The following ANKUB1 variants were observed in gnomAD, a reference collection of about 807,000 sequenced individuals.
ANKUB1 encodes the protein protein ANKUB1.
A neutral mutation model predicts 49.3 loss-of-function variants in ANKUB1; 42 were observed. That is an observed-to-expected ratio of 0.85 (90% CI 0.67 to 1.10). The LOEUF is 1.10. Among genes scored for constraint, ANKUB1 ranks in the 50% least tolerant of loss-of-function variants. The probability of loss-of-function intolerance (pLI) is 0.00; values close to 1 mark genes in which losing one functional copy is unlikely to be tolerated. For missense variants in ANKUB1, 613 were observed against 642.0 expected (o/e 0.95, Z 0.49); for synonymous variants, 222 against 231.0 (o/e 0.96, Z 0.35).
Position 149,773,929 on chromosome 3 carries a change from G to A in ANKUB1, c.452-3255C>T, listed in dbSNP as rs536787808. Among the ~76,000 whole-genome samples the A allele has an allele frequency of 3.6e-4, 55 of 152,260 alleles. 2 individuals are homozygous for A. In the South Asian group the frequency reaches 0.011, roughly 30 times the overall value. On this transcript the variant is annotated intron_variant, in intron 3 of 5. Transcript: ENST00000446160. The stretch of plus-strand genomic sequence containing the variant: ...CTCACACCTGTATTCCCAGCACTTT[G>A]GGTGGGAGGATTGCTTGAGGCCAGG...
chr3:149,778,064 G>C (rs1355190461), intron 3 of ANKUB1, among the ~76,000 whole-genome samples: 1 of 152,216 alleles, frequency 6.6e-6, no homozygotes, highest in Non-Finnish European at 1.5e-5. Flanking sequence ...AAGAGAAGCT[G>C]ATCAAGGACT....
intron 1 of ANKUB1, 76 bp downstream of exon 1, chr3:149,792,201 C>A (rs1387072117): frequency 3.8e-5 from 40 of 1,042,750 alleles, no homozygotes; most frequent in Non-Finnish European, 4.9e-5. Context: ...AGCATCTCTA[C>A]CCTTTGTACA....
At chr3:149,775,795 G>C (rs1205390349) in intron 3 of ANKUB1, among the ~76,000 whole-genome samples, 1 of 152,104 alleles carries the variant, frequency 6.6e-6, no homozygotes, top group Non-Finnish European at 1.5e-5. Flanking sequence ...TAAGCATGTG[G>C]ATCAGAAAGA....
intron 2 of ANKUB1, among the ~76,000 whole-genome samples, chr3:149,787,299 A>T (rs1718149916): frequency 6.6e-6 from 1 of 152,104 alleles, no homozygotes; most frequent in African/African-American, 2.4e-5. Context: ...ATCCCTTGTA[A>T]GTTGGATTCC....
At chr3:149,787,734 A>G (rs1159529498) in intron 2 of ANKUB1, among the ~76,000 whole-genome samples, 1 of 152,232 alleles carries the variant, frequency 6.6e-6, no homozygotes, top group African/African-American at 2.4e-5. Flanking sequence ...GGAAGCTGGA[A>G]AAAGCATTGT....
chr3:149,771,125 A>G (rs890572726), intron 3 of ANKUB1, among the ~76,000 whole-genome samples: 1 of 152,204 alleles, frequency 6.6e-6, no homozygotes, highest in Non-Finnish European at 1.5e-5. Context: ...TCTATCCTTT[A>G]TGAAACAGGA....
intron 2 of ANKUB1, among the ~76,000 whole-genome samples, chr3:149,780,682 G>A (rs891526063): frequency 6.6e-6 from 1 of 152,332 alleles, no homozygotes; most frequent in African/African-American, 2.4e-5. Context: ...AAGGCTTTGA[G>A]ACCCTTTGAC....
In ANKUB1 at chr3:149,767,909, G is replaced by A. The variant is rs2108264672; in HGVS notation, c.753C>T (p.Gly251=). The A allele has an allele frequency of 6.4e-7, 1 of 1,550,920 alleles. No homozygotes were observed. Among genetic ancestry groups the A allele is most frequent in the East Asian group, 2.4e-5 (1 of 40,886 alleles). The change falls in exon 5 of 6, where the codon GGC becomes GGT. Residue 251 remains glycine (G), a synonymous_variant. Transcript: ENST00000446160. ...CAAAGGCCTTCAGAATCAACAGTTGGCCTGCTTCTGCGGCTGCATGAATGG... is the reference window on the plus strand; with the variant it reads ...CAAAGGCCTTCAGAATCAACAGTTGACCTGCTTCTGCGGCTGCATGAATGG... The part of the protein sequence containing the change: ...KCPIHAAAEA[G]QLLILKAFVN...
intron 2 of ANKUB1, 57 bp downstream of exon 2, chr3:149,790,724 C>T (rs1326158134): frequency 2.0e-6 from 3 of 1,476,350 alleles, no homozygotes; most frequent in Non-Finnish European, 2.7e-6. Context: ...GACTTATCCC[C>T]AACTTTATTC....
At chr3:149,788,449 C>T (rs568876568) in intron 2 of ANKUB1, among the ~76,000 whole-genome samples, 61 of 152,114 alleles carry the variant, frequency 4.0e-4, no homozygotes, top group African/African-American at 1.2e-3. Flanking sequence ...TTGATCCTCC[C>T]GCCTCAGCCT....
At chr3:149,788,754 G>C (rs1718225071) in intron 2 of ANKUB1, among the ~76,000 whole-genome samples, 1 of 151,832 alleles carries the variant, frequency 6.6e-6, no homozygotes, top group Non-Finnish European at 1.5e-5. Context: ...CCAGAGAAGG[G>C]AGAGTTTTTT....
intron 1 of ANKUB1, among the ~76,000 whole-genome samples, 183 bp from the exon 2 acceptor site, chr3:149,791,107 G>C (rs1003211384): frequency 6.6e-6 from 1 of 152,158 alleles, no homozygotes; most frequent in African/African-American, 2.4e-5. Flanking sequence ...GTAGAATTTA[G>C]ATGGGAAGAA....
rs371783801 is a variant in ANKUB1, at chr3:149,770,590, C to T, written c.536G>A (p.Arg179His). ...TACTGGTCCTTCTTTTGATAAGTAG[C>T]GTTGGACTTTAAGTTTTTGTCCAAG... ...CLLGQKLKVQ[R>H]YLSKEGPVLK... The change falls in exon 4 of 6, where the codon CGC (arginine) becomes CAC (histidine). Residue 179 changes from arginine (R) to histidine (H), a missense_variant. Coordinates refer to ENST00000446160, the MANE Select transcript of ANKUB1 (RefSeq NM_001144960.3). The T allele has an allele frequency of 6.0e-5, 93 of 1,549,540 alleles. No individual in the cohort carries two copies. Among genetic ancestry groups the T allele is most frequent in the Non-Finnish European group, 7.5e-5 (86 of 1,146,050 alleles).
At chr3:149,777,330 G>C (rs767761032) in intron 3 of ANKUB1, among the ~76,000 whole-genome samples, 1 of 152,116 alleles carries the variant, frequency 6.6e-6, no homozygotes, top group Non-Finnish European at 1.5e-5. Flanking sequence ...ACATTAGCTG[G>C]GAGTGGTGGC....
Position 149,761,332 on chromosome 3 carries a change from A to C in ANKUB1, c.*152T>G, listed in dbSNP as rs1716774312. The C allele has an allele frequency of 2.2e-5, 19 of 881,110 alleles. No homozygotes were observed. The Admixed American group carries it at 2.7e-4, about 13-fold the overall frequency. The allele number at this position is 881,110 out of a possible 1,614,324, so 54.6% of individuals were successfully genotyped here. A position where few individuals can be genotyped will look rare whatever the true frequency, so the allele number is the denominator to read the frequency against. On this transcript the variant is annotated 3_prime_UTR_variant, in exon 6 of 6. Transcript: ENST00000446160. ...TCACTTAGTGTGATGAAGTCTGAGA[A>C]AACATGGTGTTAAATATCCTATTAA...
intron 2 of ANKUB1, among the ~76,000 whole-genome samples, chr3:149,781,349 G>A (rs1264492212): frequency 6.6e-6 from 1 of 152,128 alleles, no homozygotes; most frequent in African/African-American, 2.4e-5. Context: ...GGAAGCAAGT[G>A]GGGAGGAAAA....
chr3:149,770,525 A>G, intron 4 of ANKUB1, 35 bp downstream of exon 4: 1 of 1,439,678 alleles, frequency 6.9e-7, no homozygotes, highest in Non-Finnish European at 9.5e-7. Context: ...AAATCACAGC[A>G]CTTGCTAAGT....
At chr3:149,789,679 G>C (rs907818342) in intron 2 of ANKUB1, among the ~76,000 whole-genome samples, 22 of 150,224 alleles carry the variant, frequency 1.5e-4, no homozygotes, top group African/African-American at 4.9e-4. Context: ...GCCCAGGCTG[G>C]AGTGCAGTGG....
intron 3 of ANKUB1, among the ~76,000 whole-genome samples, chr3:149,776,399 C>A (rs892609682): frequency 2.5e-4 from 38 of 152,186 alleles, no homozygotes; most frequent in African/African-American, 9.2e-4. Flanking sequence ...CCTCATAGGG[C>A]TTGGTCTCCA....
Sources: allele counts gnomAD v4.1 joint callset (sites outside exome capture counted in the v4.1 genomes callset), GRCh38; gene constraint gnomAD v4.1.1; transcripts MANE v1.5; gene names NCBI Gene and HGNC (gene_info 2026-07-23, HGNC 2026-07-21).